MEIS1: variants seen among roughly 807,000 people sequenced by gnomAD.
MEIS1 encodes the protein Meis homeobox 1.
MEIS1 carries 5 observed loss-of-function variants against 50.8 expected under a neutral mutation model. That is an observed-to-expected ratio of 0.10 (90% CI 0.05 to 0.21). The LOEUF (loss-of-function observed/expected upper bound fraction) is 0.21. Ranked by LOEUF, MEIS1 falls within the 10% of genes least tolerant of loss-of-function variation. The pLI is 1.00. For missense variants in MEIS1, 318 were observed against 517.3 expected, an observed-to-expected ratio of 0.61 and a Z score of 3.74; for synonymous variants, 176 against 179.3, an observed-to-expected ratio of 0.98 and a Z score of 0.15.
chr2:66,435,654 A>C lies in MEIS1; in HGVS notation c.-203A>C. 1 of 445,202 alleles carries C rather than the reference A, an allele frequency of 2.2e-6. No individual in the cohort carries two copies. The highest frequency in any genetic ancestry group is 3.5e-5 in the East Asian group (1 of 28,260). The allele number at this position is 445,202 out of a possible 1,614,324, so 27.6% of individuals were successfully genotyped here. On this transcript the variant is annotated 5_prime_UTR_variant, in exon 1 of 13. Coordinates refer to ENST00000272369, the MANE Select transcript of MEIS1 (RefSeq NM_002398.3). Reference sequence around the variant, plus strand: ...AAACGGAGCGCTTTTATGCTCAGTGACTCGGGCGCTTTGCTTCAGGTCCCG... The same window carrying C: ...AAACGGAGCGCTTTTATGCTCAGTGCCTCGGGCGCTTTGCTTCAGGTCCCG...
chr2:66,530,196 CAA>C (rs5831814), intron 8 of MEIS1, among the ~76,000 whole-genome samples: 11 of 122,690 alleles, frequency 9.0e-5, no homozygotes, highest in Admixed American at 1.7e-4. Context: ...GTAGGCAAAG[CAA>C]AAAAAAAAAA....
intron 8 of MEIS1, among the ~76,000 whole-genome samples, chr2:66,519,951 G>T (rs1210914938): frequency 6.6e-6 from 1 of 152,028 alleles, no homozygotes; most frequent in Non-Finnish European, 1.5e-5. Context: ...GTTTTTATCT[G>T]TTTCCACAAT....
At chr2:66,477,570 T>G (rs1672922956) in intron 7 of MEIS1, among the ~76,000 whole-genome samples, 1 of 152,148 alleles carries the variant, frequency 6.6e-6, no homozygotes, top group South Asian at 2.1e-4. Context: ...CTGCTTTCCC[T>G]CAAAGAAGGC....
chr2:66,528,596 C>A (rs1674314177), intron 8 of MEIS1, among the ~76,000 whole-genome samples: 1 of 152,116 alleles, frequency 6.6e-6, no homozygotes, highest in South Asian at 2.1e-4. Context: ...CCCATCAATT[C>A]TCTCTCCTAA....
chr2:66,544,013 A>G (rs1012782223), intron 8 of MEIS1, among the ~76,000 whole-genome samples: 1 of 152,210 alleles, frequency 6.6e-6, no homozygotes, highest in African/African-American at 2.4e-5. Context: ...GAGATGCAAT[A>G]ACAGCAAAGG....
At chr2:66,447,006 G>A (rs1672168081) in intron 6 of MEIS1, among the ~76,000 whole-genome samples, 1 of 152,372 alleles carries the variant, frequency 6.6e-6, no homozygotes, top group South Asian at 2.1e-4. Flanking sequence ...CTCCTCCGAA[G>A]AAGCGGGGGA....
intron 7 of MEIS1, among the ~76,000 whole-genome samples, chr2:66,487,372 A>C (rs986080569): frequency 1.3e-5 from 2 of 152,212 alleles, no homozygotes; most frequent in Non-Finnish European, 2.9e-5. Context: ...GGATACACAC[A>C]CATATATGTA....
chr2:66,459,034 G>A (rs1374451228), intron 6 of MEIS1, among the ~76,000 whole-genome samples: 1 of 152,154 alleles, frequency 6.6e-6, no homozygotes, highest in Non-Finnish European at 1.5e-5. Flanking sequence ...GGCACAGCAG[G>A]TCATCACAAA....
chr2:66,492,805 A>G (rs1673304242), intron 7 of MEIS1, among the ~76,000 whole-genome samples: 1 of 151,616 alleles, frequency 6.6e-6, no homozygotes, highest in African/African-American at 2.4e-5. Context: ...CAGTTGGACA[A>G]CTCTTTTTTT....
chr2:66,484,695 A>G (rs1157306302), intron 7 of MEIS1, among the ~76,000 whole-genome samples: 2 of 151,930 alleles, frequency 1.3e-5, no homozygotes, highest in African/African-American at 4.8e-5. Flanking sequence ...AATAGCTGGG[A>G]TTATAGGAAT....
At chr2:66,549,257 A>T (rs949291383) in intron 9 of MEIS1, among the ~76,000 whole-genome samples, 1 of 152,112 alleles carries the variant, frequency 6.6e-6, no homozygotes, top group African/African-American at 2.4e-5. Context: ...CTCACATAAG[A>T]ATTGCTTGTA....
intron 8 of MEIS1, among the ~76,000 whole-genome samples, chr2:66,531,019 TTTAA>T (rs1267753600): frequency 6.6e-6 from 1 of 152,196 alleles, no homozygotes; most frequent in Non-Finnish European, 1.5e-5. Flanking sequence ...GAGTTTTAAA[TTTAA>T]TTAAGACAAA....
chr2:66,562,263 G>A (rs1201550726), intron 9 of MEIS1: 1 of 151,374 alleles, frequency 6.6e-6, no homozygotes, highest in Non-Finnish European at 1.5e-5. Context: ...GAAGAGACCA[G>A]GGAAAGGAGT....
intron 7 of MEIS1, among the ~76,000 whole-genome samples, chr2:66,488,126 G>A (rs891305128): frequency 5.3e-5 from 8 of 152,180 alleles, no homozygotes; most frequent in African/African-American, 1.9e-4. Context: ...GCTTTATTTG[G>A]TTATTACTAA....
intron 7 of MEIS1, among the ~76,000 whole-genome samples, chr2:66,476,422 C>T (rs1227101092): frequency 1.3e-5 from 2 of 152,114 alleles, no homozygotes; most frequent in Non-Finnish European, 2.9e-5. Flanking sequence ...AGAAATATTC[C>T]CATTTATTAA....
At chr2:66,446,120 GA>G (rs961962165) in intron 6 of MEIS1, among the ~76,000 whole-genome samples, 38 of 152,304 alleles carry the variant, frequency 2.5e-4, no homozygotes, top group Middle Eastern at 3.4e-3. Flanking sequence ...AGCAGAGGGA[GA>G]GGGGGGCCAT....
In MEIS1 at chr2:66,529,087, T is replaced by G. The variant is rs540852690; in HGVS notation, c.888+16793T>G. On this transcript the variant is annotated intron_variant, in intron 8 of 12. Coordinates refer to ENST00000272369, the MANE Select transcript of MEIS1 (RefSeq NM_002398.3). ...CACATCCTTCACATCTTAGTACAAT[T>G]GTCACTGCTTGGGGAAGCCATTTGT... Among the ~76,000 whole-genome samples the G allele has an allele frequency of 6.8e-4, 104 of 152,184 alleles. 1 individual carries two copies. Among genetic ancestry groups the G allele is most frequent in the African/African-American group, 2.4e-3 (101 of 41,506 alleles).
chr2:66,448,189 A>G (rs569037384), intron 6 of MEIS1, among the ~76,000 whole-genome samples: 115 of 152,330 alleles, frequency 7.5e-4, no homozygotes, highest in African/African-American at 2.7e-3. Flanking sequence ...CAAAAAAGTA[A>G]CTGAAATATC....
intron 8 of MEIS1, among the ~76,000 whole-genome samples, chr2:66,543,299 T>G (rs1040523956): frequency 7.9e-5 from 12 of 152,222 alleles, no homozygotes; most frequent in African/African-American, 2.7e-4. Flanking sequence ...CTATACTGGT[T>G]CATTATTGGA....
Sources: gnomAD v4.1 joint callset for allele counts (sites outside exome capture counted in the v4.1 genomes callset) on GRCh38, gnomAD v4.1.1 for gene constraint, MANE v1.5 for transcripts, NCBI Gene and HGNC (gene_info 2026-07-23, HGNC 2026-07-21) for gene names.